MAN1A2: variants seen among roughly 807,000 people sequenced by gnomAD.
The protein encoded by MAN1A2 is mannosidase alpha class 1A member 2.
Under a neutral mutation model 75.7 loss-of-function variants are expected in MAN1A2, and 26 were observed. The observed-to-expected ratio is 0.34, with a 90% CI of 0.25 to 0.48. The LOEUF (loss-of-function observed/expected upper bound fraction) is 0.48, where lower values mean the gene tolerates loss of function less well. MAN1A2 is among the 20% of genes least tolerant of loss of function. The probability of loss-of-function intolerance (pLI) is 0.99; values close to 1 mark genes in which losing one functional copy is unlikely to be tolerated. For missense variants in MAN1A2, 562 were observed against 775.5 expected, an observed-to-expected ratio of 0.72 and a Z score of 3.27; for synonymous variants, 247 against 264.6, an observed-to-expected ratio of 0.93 and a Z score of 0.65.
chr1:117,499,046 C>A (rs1026618816), intron 10 of MAN1A2, among the ~76,000 whole-genome samples: 4 of 151,784 alleles, frequency 2.6e-5, no homozygotes, highest in African/African-American at 9.7e-5. Flanking sequence ...TTATTTTAGA[C>A]CACAATGGAC....
rs977235430 is a variant in MAN1A2 at position 117,466,342 on chromosome 1, C to T, written c.1083C>T (p.His361=). Residue 361 remains histidine, a synonymous_variant, in exon 8 of 13, where the codon CAC becomes CAT. Coordinates refer to ENST00000356554, the MANE Select transcript of MAN1A2 (RefSeq NM_006699.5). ...GDLTYYKKVM[H]IRKLLQKMDR... ...AATTTTATTTTACTCAGGTTATGCA[C>T]ATTCGGAAACTACTTCAGAAAATGG... 1.2e-6 allele frequency: 2 copies of T among 1,604,392 alleles called. No homozygotes were observed. Among genetic ancestry groups the T allele is most frequent in the South Asian group, 2.2e-5 (2 of 90,352 alleles).
intron 12 of MAN1A2, 138 bp from the exon 13 acceptor site, chr1:117,522,685 GTC>G (rs1651899193): frequency 1.4e-6 from 1 of 698,152 alleles, no homozygotes; most frequent in Non-Finnish European, 2.4e-6. Context: ...TCATTTGGGT[GTC>G]TGAGGTTTAT....
At chr1:117,508,511 TATATAAGA>T (rs1384310584) in intron 12 of MAN1A2, among the ~76,000 whole-genome samples, 1 of 151,636 alleles carries the variant, frequency 6.6e-6, no homozygotes, top group Non-Finnish European at 1.5e-5. Flanking sequence ...TCTGGAAAGC[TATATAAGA>T]ATATGTCTTA....
chr1:117,419,204 G>A (rs1648108647), intron 4 of MAN1A2, among the ~76,000 whole-genome samples: 1 of 152,062 alleles, frequency 6.6e-6, no homozygotes, highest in African/African-American at 2.4e-5. Flanking sequence ...CATCGTAGGG[G>A]TTTGCACAGA....
At chr1:117,432,712 C>G (rs10923291) in intron 5 of MAN1A2, among the ~76,000 whole-genome samples, 12 of 151,978 alleles carry the variant, frequency 7.9e-5, no homozygotes, top group African/African-American at 2.9e-4. Context: ...CCCAGAGGAA[C>G]AGGGAACATT....
At chr1:117,415,755 CTTG>C (rs1486649042) in intron 4 of MAN1A2, among the ~76,000 whole-genome samples, 1 of 151,920 alleles carries the variant, frequency 6.6e-6, no homozygotes, top group African/African-American at 2.4e-5. Flanking sequence ...GATCATTTGT[CTTG>C]TTGTTCTGTT....
chr1:117,478,747 T>C (rs984148908), intron 8 of MAN1A2, among the ~76,000 whole-genome samples: 3 of 151,818 alleles, frequency 2.0e-5, no homozygotes, highest in Non-Finnish European at 2.9e-5. Flanking sequence ...ATTTTTAGAC[T>C]CTATTCTGTT....
rs146585798 is a variant in MAN1A2 at position 117,505,026 on chromosome 1, A to T, written c.1793+2056A>T. Among the ~76,000 whole-genome samples, 1,260 of 151,636 alleles carry T rather than the reference A, an allele frequency of 8.3e-3. 11 individuals carry two copies. Among genetic ancestry groups the T allele is most frequent in the African/African-American group, 0.029 (1,200 of 41,486 alleles). Reference sequence around the variant, plus strand: ...ATCTTTTTTCTTTTTGTAATTAATAACTTATCTGTGGAGTGATAATTTTGA... The same window carrying T: ...ATCTTTTTTCTTTTTGTAATTAATATCTTATCTGTGGAGTGATAATTTTGA... On this transcript the variant is annotated intron_variant, in intron 12 of 12. Transcript: ENST00000356554.
intron 1 of MAN1A2, among the ~76,000 whole-genome samples, chr1:117,375,591 A>G (rs1445172439): frequency 6.6e-6 from 1 of 152,202 alleles, no homozygotes; most frequent in Non-Finnish European, 1.5e-5. Context: ...ATTAGTCACA[A>G]TCATTTGTTC....
At position 117,415,728 on chromosome 1, in the gene MAN1A2, GATC is replaced by G. The variant is rs752890687; in HGVS notation, c.774+902_774+904del. Among the ~76,000 whole-genome samples, 168 of 152,122 alleles carry G rather than the reference GATC, an allele frequency of 1.1e-3. No homozygotes were observed. The Middle Eastern group carries it at 0.031, about 28-fold the overall frequency. On this transcript the variant is annotated intron_variant, in intron 4 of 12. Coordinates refer to ENST00000356554, the MANE Select transcript of MAN1A2 (RefSeq NM_006699.5). ...TCAGGGCTGGTTTGGGTGGCTCCTT[GATC>G]ATCAAGGATCTAGGATCATTTGTCT...
rs1383407804 is a variant in MAN1A2, at chr1:117,527,406, C to A, written c.*4449C>A. On this transcript the variant is annotated 3_prime_UTR_variant, in exon 13 of 13. Coordinates refer to ENST00000356554, the MANE Select transcript of MAN1A2 (RefSeq NM_006699.5). ...GTTTATTTTGTGTTAGACCCTCTAACCTTTGATCTGCGTCTTTTCTGTTTT... is the reference window on the plus strand; with the variant it reads ...GTTTATTTTGTGTTAGACCCTCTAAACTTTGATCTGCGTCTTTTCTGTTTT... 1 of 151,906 alleles carries A rather than the reference C, an allele frequency of 6.6e-6. No homozygotes were observed. The highest frequency in any genetic ancestry group is 1.5e-5 in the Non-Finnish European group (1 of 67,880). 9.4% of individuals were successfully genotyped at this position (151,906 alleles called of 1,614,324 possible). A position where few individuals can be genotyped will look rare whatever the true frequency, so the allele number is the denominator to read the frequency against.
chr1:117,424,790 G>A (rs915702377), intron 5 of MAN1A2, among the ~76,000 whole-genome samples: 1 of 152,018 alleles, frequency 6.6e-6, no homozygotes, highest in African/African-American at 2.4e-5. Flanking sequence ...AAAATCTTTG[G>A]GATTTAGATT....
At chr1:117,499,614 G>A in intron 11 of MAN1A2, 60 bp downstream of exon 11, 1 of 1,382,978 alleles carries the variant, frequency 7.2e-7, no homozygotes. Context: ...CTCCTATGAT[G>A]CCACATACCC....
At chr1:117,441,167 C>T (rs1007020548) in intron 5 of MAN1A2, among the ~76,000 whole-genome samples, 1 of 152,050 alleles carries the variant, frequency 6.6e-6, no homozygotes, top group African/African-American at 2.4e-5. Flanking sequence ...AAGGAGAGTG[C>T]ATGAAGGAGA....
chr1:117,512,053 G>A (rs1651552376), intron 12 of MAN1A2, among the ~76,000 whole-genome samples: 1 of 152,068 alleles, frequency 6.6e-6, no homozygotes, highest in African/African-American at 2.4e-5. Flanking sequence ...AAGAGTAGGA[G>A]GGGGAAAGAG....
intron 8 of MAN1A2, among the ~76,000 whole-genome samples, chr1:117,488,722 G>A (rs1016277661): frequency 6.6e-6 from 1 of 152,000 alleles, no homozygotes; most frequent in Non-Finnish European, 1.5e-5. Flanking sequence ...AAAAAAGTGA[G>A]AAGTAATAGC....
intron 8 of MAN1A2, among the ~76,000 whole-genome samples, chr1:117,479,289 T>C (rs1291403613): frequency 6.6e-6 from 1 of 152,028 alleles, no homozygotes; most frequent in Non-Finnish European, 1.5e-5. Context: ...TTCCTTTTTA[T>C]GGCTGAATAG....
At chr1:117,517,868 T>G (rs1177580422) in intron 12 of MAN1A2, among the ~76,000 whole-genome samples, 1 of 151,882 alleles carries the variant, frequency 6.6e-6, no homozygotes, top group African/African-American at 2.4e-5. Context: ...ATAATCAGAT[T>G]GCTCAAAACC....
At chr1:117,510,295 C>T (rs1651495902) in intron 12 of MAN1A2, among the ~76,000 whole-genome samples, 1 of 151,782 alleles carries the variant, frequency 6.6e-6, no homozygotes, top group Non-Finnish European at 1.5e-5. Context: ...GCTGAGAGAG[C>T]GAACTTTTCA....
Sources: gnomAD v4.1 joint callset for allele counts (sites outside exome capture counted in the v4.1 genomes callset) on GRCh38, gnomAD v4.1.1 for gene constraint, MANE v1.5 for transcripts, NCBI Gene and HGNC (gene_info 2026-07-23, HGNC 2026-07-21) for gene names.